The following ZNF416 variants were observed in gnomAD, a reference collection of about 807,000 sequenced individuals.
The protein encoded by ZNF416 is zinc finger protein 416.
ZNF416 carries 5 observed loss-of-function variants against 10.9 expected under a neutral mutation model. That is an observed-to-expected ratio of 0.46 (90% CI 0.24 to 0.97). The LOEUF (loss-of-function observed/expected upper bound fraction) is 0.97, where lower values mean the gene tolerates loss of function less well. Among genes scored for constraint, ZNF416 ranks in the 50% least tolerant of loss-of-function variants. The probability of loss-of-function intolerance (pLI) is 0.19; values close to 1 mark genes in which losing one functional copy is unlikely to be tolerated. For missense variants in ZNF416, 675 were observed against 715.0 expected (o/e 0.94, Z 0.64); for synonymous variants, 267 against 251.8 (o/e 1.06, Z -0.57).
rs1395213626 is a variant in ZNF416, at chr19:57,578,700, G to C, written c.5C>G (p.Ala2Gly). 6.5e-7 allele frequency: 1 copy of C among 1,544,698 alleles called. No individual in the cohort carries two copies. The highest frequency in any genetic ancestry group is 8.7e-7 in the Non-Finnish European group (1 of 1,146,334). Residue 2 changes from alanine (A) to glycine (G), a missense_variant, in exon 1 of 4, where the codon GCG becomes GGG. By Grantham distance (60) the Ala-to-Gly change is moderately conservative. Transcript: ENST00000196489. Reference sequence around the variant, plus strand: ...AGTCGAATCCCTAAGCACGGCCGCCGCCATCGGATTGTGAGCGGAGCGGGG... The same window carrying C: ...AGTCGAATCCCTAAGCACGGCCGCCCCCATCGGATTGTGAGCGGAGCGGGG... Reference protein sequence around the residue: MAAAVLRDSTSV... With the variant: MGAAVLRDSTSV...
chr19:57,572,533 G>C lies in ZNF416; in HGVS notation c.1371C>G (p.His457Gln). The stretch of plus-strand genomic sequence containing the variant: ...AAGGCCTTTCTGCAGTGTGAACTTT[G>C]TGGTGTTTATTGAGGGTGGTTCTTT... ...FSQRTTLNKH[H>Q]KVHTAERPYV... The change falls in exon 4 of 4, where the codon CAC becomes CAG. Residue 457 changes from histidine to glutamine, a missense_variant. Transcript: ENST00000196489. This position sits in a 1 kb window ranked among gnomAD's most constrained non-coding sequence, Gnocchi z 4.5. 2 of 1,613,974 alleles carry C rather than the reference G, an allele frequency of 1.2e-6. No individual in the cohort carries two copies. Among genetic ancestry groups the C allele is most frequent in the Non-Finnish European group, 1.7e-6 (2 of 1,179,986 alleles).
Position 57,572,100 on chromosome 19 carries a change from A to C in ZNF416, c.*19T>G. ...TCCCTGCAGGTCTAAGGCTTTTCTC[A>C]GGTTTGGAGTTTCAAGAGTTAAACA... is the stretch of plus-strand genomic sequence containing the variant. On this transcript the variant is annotated 3_prime_UTR_variant, in exon 4 of 4. Coordinates refer to ENST00000196489, the MANE Select transcript of ZNF416 (RefSeq NM_017879.3). The surrounding 1 kb of genome is among the most constrained non-coding windows in gnomAD (Gnocchi z 4.5). The C allele has an allele frequency of 6.3e-7, 1 of 1,598,502 alleles. No individual in the cohort carries two copies. Among genetic ancestry groups the C allele is most frequent in the Non-Finnish European group, 8.6e-7 (1 of 1,169,208 alleles).
chr19:57,578,298 C>T (rs879371464), intron 1 of ZNF416, among the ~76,000 whole-genome samples, 200 bp from the exon 2 acceptor site: 3 of 152,166 alleles, frequency 2.0e-5, no homozygotes, highest in Admixed American at 1.3e-4. Flanking sequence ...TCGGTGTTAT[C>T]CCCCTTCCAG....
Position 57,575,052 on chromosome 19 carries a change from T to C in ZNF416, c.202+752A>G, listed in dbSNP as rs1978482195. Among the ~76,000 whole-genome samples, 1 of 152,040 alleles carries C rather than the reference T, an allele frequency of 6.6e-6. No homozygotes were observed. Among genetic ancestry groups the C allele is most frequent in the Non-Finnish European group, 1.5e-5 (1 of 68,000 alleles). ...CAGATGAAGCAATAAGCCAGCAAAG[T>C]GTCAAGGAAGAGGAAGAAAACATAG... On this transcript the variant is annotated intron_variant, in intron 3 of 3. Coordinates refer to ENST00000196489, the MANE Select transcript of ZNF416 (RefSeq NM_017879.3). The surrounding 1 kb of genome is among the most constrained non-coding windows in gnomAD (Gnocchi z 4.4).
rs1978374501 is a variant in ZNF416 at position 57,573,118 on chromosome 19, T to C, written c.786A>G (p.Arg262=). Residue 262 remains arginine, a synonymous_variant, in exon 4 of 4, where the codon AGA becomes AGG. Transcript: ENST00000196489. ...CATAAGGCCTTTCTCCAGGGTGGACTCTTTGCAGCTGAACAAGGGAGCACT... is the reference window on the plus strand; with the variant it reads ...CATAAGGCCTTTCTCCAGGGTGGACCCTTTGCAGCTGAACAAGGGAGCACT... The part of the protein sequence containing the change: ...CCECSLVQLQ[R]VHPGERPYEC... The C allele has an allele frequency of 3.1e-6, 5 of 1,614,236 alleles. No homozygotes were observed. Among genetic ancestry groups the C allele is most frequent in the Non-Finnish European group, 4.2e-6 (5 of 1,180,050 alleles).
In ZNF416 at chr19:57,578,707, G is replaced by T; in HGVS notation, c.-3C>A. On this transcript the variant is annotated 5_prime_UTR_variant, in exon 1 of 4. Coordinates refer to ENST00000196489, the MANE Select transcript of ZNF416 (RefSeq NM_017879.3). ...TCCCTAAGCACGGCCGCCGCCATCG[G>T]ATTGTGAGCGGAGCGGGGCCGGGAG... 1 of 1,537,268 alleles carries T rather than the reference G, an allele frequency of 6.5e-7. No homozygotes were observed. The highest frequency in any genetic ancestry group is 2.0e-5 in the Admixed American group (1 of 50,422).
chr19:57,572,774 G>C lies in ZNF416; in HGVS notation c.1130C>G (p.Thr377Arg), dbSNP rs530543667. The C allele has an allele frequency of 6.2e-7, 1 of 1,614,060 alleles. No homozygotes were observed. Among genetic ancestry groups the C allele is most frequent in the African/African-American group, 1.3e-5 (1 of 74,916 alleles). The change falls in exon 4 of 4, where the codon ACA becomes AGA. Residue 377 changes from threonine to arginine, a missense_variant. By Grantham distance (71) the Thr-to-Arg change is moderately conservative. Transcript: ENST00000196489. This position sits in a 1 kb window ranked among gnomAD's most constrained non-coding sequence, Gnocchi z 4.5. Reference protein sequence around the residue: ...STLVRHQRTHTGEKPYECGEC... With the variant: ...STLVRHQRTHRGEKPYECGEC... ...ACCACACTCATATGGCTTTTCTCCTGTGTGAGTTCTCTGGTGTCGAACAAG... is the reference window on the plus strand; with the variant it reads ...ACCACACTCATATGGCTTTTCTCCTCTGTGAGTTCTCTGGTGTCGAACAAG...
chr19:57,573,808 C>A, intron 3 of ZNF416, 107 bp from the exon 4 acceptor site: 2 of 1,417,058 alleles, frequency 1.4e-6, no homozygotes, highest in East Asian at 4.6e-5. Context: ...ATCTTAAAAA[C>A]TTTGCTGGCC....
At chr19:57,577,696 C>G (rs1568608392) in intron 2 of ZNF416, among the ~76,000 whole-genome samples, 1 of 152,210 alleles carries the variant, frequency 6.6e-6, no homozygotes, top group East Asian at 1.9e-4. Context: ...TCACACACTC[C>G]AGAAGAAACA....
chr19:57,573,113 T>C lies in ZNF416; in HGVS notation c.791A>G (p.His264Arg). The C allele has an allele frequency of 1.2e-6, 2 of 1,614,208 alleles. No individual in the cohort carries two copies. Among genetic ancestry groups the C allele is most frequent in the South Asian group, 2.2e-5 (2 of 91,082 alleles). ...GCACTCATAAGGCCTTTCTCCAGGGTGGACTCTTTGCAGCTGAACAAGGGA... is the reference window on the plus strand; with the variant it reads ...GCACTCATAAGGCCTTTCTCCAGGGCGGACTCTTTGCAGCTGAACAAGGGA... ...ECSLVQLQRV[H>R]PGERPYECSE... is the part of the protein sequence containing the mutation. The change falls in exon 4 of 4, where the codon CAC becomes CGC. Residue 264 changes from histidine (H) to arginine (R), a missense_variant. Transcript: ENST00000196489.
In ZNF416 at chr19:57,573,403, T is replaced by C; in HGVS notation, c.501A>G (p.Ser167=). The C allele has an allele frequency of 2.5e-6, 4 of 1,614,256 alleles. No individual in the cohort carries two copies. Among genetic ancestry groups the C allele is most frequent in the South Asian group, 2.2e-5 (2 of 91,088 alleles). Residue 167 remains serine (S), a synonymous_variant, in exon 4 of 4, where the codon TCA becomes TCG. Transcript: ENST00000196489. ...SFVQCCLFHE[S]GMPFTSSEVG... is the part of the protein sequence containing the mutation. ...CCTCACTGCTGGTGAAAGGCATTCC[T>C]GACTCATGGAACAGGCAGCACTGCA...
intron 3 of ZNF416, among the ~76,000 whole-genome samples, chr19:57,574,561 C>A (rs181480106): frequency 6.6e-6 from 1 of 152,148 alleles, no homozygotes; most frequent in Non-Finnish European, 1.5e-5. Context: ...ATGGGAAGCA[C>A]CTTCACATAT....
rs1439322949 is a variant in ZNF416, at chr19:57,575,967, T to A, written c.76-37A>T. 6.2e-7 allele frequency: 1 copy of A among 1,603,934 alleles called. No homozygotes were observed. The highest frequency in any genetic ancestry group is 1.7e-5 in the Admixed American group (1 of 59,158). On this transcript the variant is annotated intron_variant, in intron 2 of 3. Coordinates refer to ENST00000196489, the MANE Select transcript of ZNF416 (RefSeq NM_017879.3). The surrounding 1 kb of genome is among the most constrained non-coding windows in gnomAD (Gnocchi z 4.4). ...GGGATAGATCTTTCCATGATCAGAT[T>A]CTCTCCTAGGACCCCAAGTTCATGC...
chr19:57,576,397 T>C (rs778766296), intron 2 of ZNF416, among the ~76,000 whole-genome samples: 2 of 152,076 alleles, frequency 1.3e-5, no homozygotes, highest in Non-Finnish European at 2.9e-5. Context: ...CCCCACACCA[T>C]AGGCATCTCT....
intron 1 of ZNF416, 24 bp downstream of exon 1, chr19:57,578,648 A>G: frequency 6.5e-7 from 1 of 1,540,626 alleles, no homozygotes; most frequent in Non-Finnish European, 8.7e-7. Context: ...AGGGCAGGTG[A>G]GGCCCGGGAG....
At position 57,575,658 on chromosome 19, in the gene ZNF416, G is replaced by A; in HGVS notation, c.202+146C>T. 9.2e-7 allele frequency: 1 copy of A among 1,091,328 alleles called. No homozygotes were observed. Among genetic ancestry groups the A allele is most frequent in the South Asian group, 1.3e-5 (1 of 74,262 alleles). 67.6% of individuals were successfully genotyped at this position (1,091,328 alleles called of 1,614,324 possible). On this transcript the variant is annotated intron_variant, in intron 3 of 3. Coordinates refer to ENST00000196489, the MANE Select transcript of ZNF416 (RefSeq NM_017879.3). The surrounding 1 kb of genome is among the most constrained non-coding windows in gnomAD (Gnocchi z 4.4). Reference sequence around the variant, plus strand: ...ACAGCAAATGTCAGGGCTGATTAAGGAGTGCAATGATTTCATTCCTTACAC... The same window carrying A: ...ACAGCAAATGTCAGGGCTGATTAAGAAGTGCAATGATTTCATTCCTTACAC...
Position 57,575,900 on chromosome 19 carries a change from A to T in ZNF416, c.106T>A (p.Tyr36Asn). 2 of 1,614,090 alleles carry T rather than the reference A, an allele frequency of 1.2e-6. No individual in the cohort carries two copies. The highest frequency in any genetic ancestry group is 1.7e-6 in the Non-Finnish European group (2 of 1,179,984). ...GCVTFEDVAI[Y>N]FSQEEWGLLD... ...AGCCCCCATTCTTCCTGGGAGAAGT[A>T]AATGGCCACGTCCTCAAAGGTCACA... Residue 36 changes from tyrosine to asparagine, a missense_variant, in exon 3 of 4, where the codon TAC becomes AAC. Tyr to Asn is a moderately radical substitution (Grantham distance 143, BLOSUM62 -2). Transcript: ENST00000196489. The surrounding 1 kb of genome is among the most constrained non-coding windows in gnomAD (Gnocchi z 4.4).
chr19:57,576,028 T>G, intron 2 of ZNF416, 98 bp from the exon 3 acceptor site: 1 of 1,484,492 alleles, frequency 6.7e-7, no homozygotes, highest in Non-Finnish European at 9.1e-7. Flanking sequence ...TCCCCATACC[T>G]AAGCCCCACC....
chr19:57,571,886 T>C lies in ZNF416; in HGVS notation c.*233A>G, dbSNP rs2090194865. The stretch of plus-strand genomic sequence containing the variant: ...CGCCTTAGTATGCAAGGGTGACTAA[T>C]GATTTAACTCTGGCAAAGGCCTCCA... On this transcript the variant is annotated 3_prime_UTR_variant, in exon 4 of 4. Coordinates refer to ENST00000196489, the MANE Select transcript of ZNF416 (RefSeq NM_017879.3). The C allele has an allele frequency of 1.9e-6, 1 of 528,330 alleles. No homozygotes were observed. The highest frequency in any genetic ancestry group is 3.3e-6 in the Non-Finnish European group (1 of 298,764). The allele number at this position is 528,330 out of a possible 1,614,324, so 32.7% of individuals were successfully genotyped here.
Sources: gnomAD v4.1 joint callset for allele counts (sites outside exome capture counted in the v4.1 genomes callset) on GRCh38, gnomAD v4.1.1 for gene constraint, Gnocchi (gnomAD v3.1) non-coding constraint, MANE v1.5 for transcripts, NCBI Gene and HGNC (gene_info 2026-07-23, HGNC 2026-07-21) for gene names.